PDGFRL: variants seen among roughly 807,000 people sequenced by gnomAD.
PDGFRL encodes the protein platelet-derived growth factor receptor-like protein.
PDGFRL carries 46 observed loss-of-function variants against 37.2 expected under a neutral mutation model. That is an observed-to-expected ratio of 1.24 (90% confidence interval 0.98 to 1.58). The LOEUF is 1.58. Ranked by LOEUF, PDGFRL falls within the 40% of genes most tolerant of loss-of-function variation. The pLI is 0.00. For missense variants in PDGFRL, 692 were observed against 467.6 expected (o/e 1.48, Z -4.43); for synonymous variants, 251 against 184.3 (o/e 1.36, Z -2.93).
chr8:17,585,952 C>G (rs1455718640), intron 1 of PDGFRL, among the ~76,000 whole-genome samples: 1 of 148,250 alleles, frequency 6.7e-6, no homozygotes, highest in Non-Finnish European at 1.5e-5. Context: ...GGGTTTTTGT[C>G]TGTTTTTTCT....
Position 17,589,674 on chromosome 8 carries a change from G to C in PDGFRL, c.262G>C (p.Ala88Pro). Residue 88 changes from alanine to proline, a missense_variant, in exon 2 of 6, where the codon GCG becomes CCG. Ala to Pro is a conservative substitution (Grantham distance 27). Transcript: ENST00000251630. The part of the protein sequence containing the change: ...QKPAATLSLL[A>P]GQTVELRCKG... ...ACCCGCCGCTACCCTGAGTCTGCTG[G>C]CGGGGCAAACTGTAGAGCTTCGATG... The C allele has an allele frequency of 1.2e-6, 2 of 1,613,574 alleles. No individual in the cohort carries two copies. Among genetic ancestry groups the C allele is most frequent in the Non-Finnish European group, 1.7e-6 (2 of 1,179,508 alleles).
intron 2 of PDGFRL, among the ~76,000 whole-genome samples, chr8:17,600,359 A>G (rs2150820668): frequency 6.6e-6 from 1 of 152,142 alleles, no homozygotes; most frequent in South Asian, 2.1e-4. Flanking sequence ...ACCAGCTCTG[A>G]ATCCTCCACT....
intron 2 of PDGFRL, among the ~76,000 whole-genome samples, chr8:17,597,335 T>C (rs1001806506): frequency 4.6e-5 from 7 of 152,254 alleles, no homozygotes; most frequent in African/African-American, 1.4e-4. Flanking sequence ...CTTGTAGTTA[T>C]AACCAATATT....
intron 2 of PDGFRL, among the ~76,000 whole-genome samples, chr8:17,598,808 T>C (rs1804105684): frequency 6.6e-6 from 1 of 152,118 alleles, no homozygotes; most frequent in South Asian, 2.1e-4. Flanking sequence ...ACTGTTCTCA[T>C]GGTAGTTAAT....
At chr8:17,596,095 GA>G (rs2150817688) in intron 2 of PDGFRL, among the ~76,000 whole-genome samples, 1 of 142,684 alleles carries the variant, frequency 7.0e-6, no homozygotes, top group East Asian at 2.0e-4. Flanking sequence ...AACCAGCCAG[GA>G]AGCCCCAGAG....
chr8:17,578,657 A>G (rs1803639835), intron 1 of PDGFRL, among the ~76,000 whole-genome samples: 1 of 152,208 alleles, frequency 6.6e-6, no homozygotes, highest in South Asian at 2.1e-4. Flanking sequence ...CAAATCAGCC[A>G]TTCCTTTGTT....
At chr8:17,633,995 T>C in intron 4 of PDGFRL, 79 bp from the exon 5 acceptor site, 2 of 1,366,558 alleles carry the variant, frequency 1.5e-6, no homozygotes, top group African/African-American at 2.9e-5. Context: ...TCTCTCTCCA[T>C]GGAAAAGAAT....
intron 2 of PDGFRL, among the ~76,000 whole-genome samples, chr8:17,595,118 T>G (rs560057626): frequency 3.9e-5 from 6 of 152,162 alleles, no homozygotes; most frequent in Non-Finnish European, 1.5e-5. Context: ...CCTATGGGTC[T>G]TGGGCCAGCT....
intron 2 of PDGFRL, 120 bp downstream of exon 2, chr8:17,589,885 A>G (rs776328669): frequency 2.1e-4 from 139 of 646,700 alleles, no homozygotes; most frequent in Non-Finnish European, 3.2e-4. Context: ...ATAGATCATA[A>G]AAATAGAAGC....
At chr8:17,603,739 A>G (rs1804213404) in intron 2 of PDGFRL, among the ~76,000 whole-genome samples, 1 of 152,170 alleles carries the variant, frequency 6.6e-6, no homozygotes, top group Admixed American at 6.5e-5. Context: ...AGATCTTTTA[A>G]TCTTAGGGAA....
chr8:17,632,734 C>A (rs760554267), intron 4 of PDGFRL, among the ~76,000 whole-genome samples: 2 of 152,144 alleles, frequency 1.3e-5, no homozygotes, highest in African/African-American at 2.4e-5. Context: ...GGACTCACCT[C>A]TGTCCTCCTC....
intron 2 of PDGFRL, among the ~76,000 whole-genome samples, chr8:17,618,579 C>G (rs981040679): frequency 1.3e-5 from 2 of 152,186 alleles, no homozygotes; most frequent in Non-Finnish European, 2.9e-5. Flanking sequence ...AAGACTTGCT[C>G]ACAAGCGATT....
chr8:17,576,533 G>A (rs1585291073), upstream of PDGFRL: 2 of 158,434 alleles, frequency 1.3e-5, no homozygotes, highest in East Asian at 3.8e-4. Flanking sequence ...CTGCGAACTG[G>A]CTGCACCTGC....
intron 3 of PDGFRL, among the ~76,000 whole-genome samples, chr8:17,624,864 G>A (rs552327022): frequency 1.2e-4 from 19 of 152,292 alleles, no homozygotes; most frequent in Middle Eastern, 3.4e-3. Flanking sequence ...GCAGTGAGCC[G>A]AGATGGCACC....
intron 4 of PDGFRL, among the ~76,000 whole-genome samples, chr8:17,633,312 G>A (rs142419215): frequency 6.6e-6 from 1 of 152,286 alleles, no homozygotes; most frequent in African/African-American, 2.4e-5. Context: ...CTACTCAGAA[G>A]GCACAGGTGG....
Position 17,596,008 on chromosome 8 carries a change from C to T in PDGFRL, c.353+6243C>T, listed in dbSNP as rs116186852. 2.7e-3 allele frequency among the ~76,000 whole-genome samples: 414 copies of T among 152,282 alleles called. 2 individuals are homozygous for T. Among genetic ancestry groups the T allele is most frequent in the African/African-American group, 8.8e-3 (366 of 41,554 alleles). On this transcript the variant is annotated intron_variant, in intron 2 of 5. Transcript: ENST00000251630. ...CCTCAACCTTACTGGCAGATGGGGC[C>T]GTTGACAAGAGGAGGTGGGTGGGGC...
chr8:17,630,898 C>T (rs1318182221), intron 4 of PDGFRL, among the ~76,000 whole-genome samples: 2 of 152,064 alleles, frequency 1.3e-5, no homozygotes, highest in African/African-American at 4.8e-5. Context: ...GCTGCCTCTG[C>T]TTGTATGAAC....
chr8:17,639,133 A>G (rs1805040681), intron 5 of PDGFRL, among the ~76,000 whole-genome samples: 1 of 152,022 alleles, frequency 6.6e-6, no homozygotes, highest in Non-Finnish European at 1.5e-5. Flanking sequence ...CCAGCCCTTT[A>G]CCATAAGTTT....
intron 5 of PDGFRL, among the ~76,000 whole-genome samples, chr8:17,640,688 T>C (rs1440320013): frequency 6.6e-6 from 1 of 152,056 alleles, no homozygotes; most frequent in Non-Finnish European, 1.5e-5. Flanking sequence ...GGGAGTGAAA[T>C]GGATGAACTC....
Sources: allele counts gnomAD v4.1 joint callset (sites outside exome capture counted in the v4.1 genomes callset), GRCh38; gene constraint gnomAD v4.1.1; transcripts MANE v1.5; gene names NCBI Gene and HGNC (gene_info 2026-07-23, HGNC 2026-07-21).